PXDN: variants seen among roughly 807,000 people sequenced by gnomAD.
PXDN encodes the protein peroxidasin homolog.
In PXDN, 77 loss-of-function variants were observed where a neutral mutation model predicts 140.3. The observed-to-expected ratio is 0.55, with a 90% CI of 0.46 to 0.66. The LOEUF is 0.66. Among genes scored for constraint, PXDN ranks in the 30% least tolerant of loss-of-function variants. The pLI is 0.00. For missense variants in PXDN, 1,838 were observed against 2,039.5 expected, an observed-to-expected ratio of 0.90 and a Z score of 1.90; for synonymous variants, 911 against 857.4, an observed-to-expected ratio of 1.06 and a Z score of -1.09.
At chr2:1,676,821 G>A in intron 8 of PXDN, 106 bp downstream of exon 8, 1 of 1,029,644 alleles carries the variant, frequency 9.7e-7, no homozygotes, top group African/African-American at 1.6e-5. Context: ...CCTACGTGGA[G>A]GAGGAAAAGT....
intron 17 of PXDN, among the ~76,000 whole-genome samples, chr2:1,646,924 G>C (rs1223075298): frequency 6.6e-6 from 1 of 152,078 alleles, no homozygotes; most frequent in Admixed American, 6.6e-5. Context: ...GATTGAGATG[G>C]GGTCTCTGTC....
intron 1 of PXDN, among the ~76,000 whole-genome samples, chr2:1,710,996 A>ACT (rs200804060): frequency 9.4e-5 from 2 of 21,370 alleles, no homozygotes; most frequent in African/African-American, 4.5e-4. Flanking sequence ...ACCAGCACCC[A>ACT]CTCCACCAGC....
chr2:1,720,371 G>A (rs1340276251), intron 1 of PXDN, among the ~76,000 whole-genome samples: 1 of 130,858 alleles, frequency 7.6e-6, no homozygotes. Context: ...TGCAGAGAGA[G>A]AGGGAGGGGA....
rs984912208 is a variant in PXDN at position 1,714,046 on chromosome 2, A to C, written c.201-20912T>G. On this transcript the variant is annotated intron_variant, in intron 1 of 22. Coordinates refer to ENST00000252804, the MANE Select transcript of PXDN (RefSeq NM_012293.3). This position sits in a 1 kb window ranked among gnomAD's most constrained non-coding sequence, Gnocchi z 4.3. Reference sequence around the variant, plus strand: ...GGCCCAGCCTGGGCAACCTACGATAATATTGGCACTGGCGGCTTTGGAAAT... The same window carrying C: ...GGCCCAGCCTGGGCAACCTACGATACTATTGGCACTGGCGGCTTTGGAAAT... Among the ~76,000 whole-genome samples the C allele has an allele frequency of 6.6e-6, 1 of 152,160 alleles. No individual in the cohort carries two copies. Among genetic ancestry groups the C allele is most frequent in the Admixed American group, 6.5e-5 (1 of 15,278 alleles).
chr2:1,721,945 C>T (rs780772128), intron 1 of PXDN, among the ~76,000 whole-genome samples: 3 of 151,636 alleles, frequency 2.0e-5, no homozygotes, highest in Non-Finnish European at 2.9e-5. Context: ...CAAAGGGGAT[C>T]TAACCTAGGG....
chr2:1,638,102 C>T (rs772511137), intron 21 of PXDN, among the ~76,000 whole-genome samples: 3 of 152,132 alleles, frequency 2.0e-5, no homozygotes, highest in Non-Finnish European at 4.4e-5. Flanking sequence ...AACCTAAGGG[C>T]TAAGAGTCCT....
intron 21 of PXDN, chr2:1,636,605 A>G (rs1257792940): frequency 6.6e-6 from 1 of 151,706 alleles, no homozygotes; most frequent in African/African-American, 2.4e-5. Flanking sequence ...CGGCTTCTAA[A>G]TGAAAGCCAT....
intron 1 of PXDN, among the ~76,000 whole-genome samples, chr2:1,741,445 T>A (rs1685542801): frequency 6.6e-6 from 1 of 152,104 alleles, no homozygotes; most frequent in African/African-American, 2.4e-5. Flanking sequence ...GCTCCTGCCA[T>A]TCCAGAGCTC....
Position 1,651,799 on chromosome 2 carries a change from C to T in PXDN, c.2104+1829G>A, listed in dbSNP as rs1040761449. ...GCCTGCTGTTTCTCTCTGGGTCACT[C>T]GCTGGGGCTTCTTATGTGCAGGGGC... On this transcript the variant is annotated intron_variant, in intron 16 of 22. Coordinates refer to ENST00000252804, the MANE Select transcript of PXDN (RefSeq NM_012293.3). The surrounding 1 kb of genome is among the most constrained non-coding windows in gnomAD (Gnocchi z 4.4). 2.6e-5 allele frequency among the ~76,000 whole-genome samples: 4 copies of T among 152,214 alleles called. No individual in the cohort carries two copies. Among genetic ancestry groups the T allele is most frequent in the Non-Finnish European group, 5.9e-5 (4 of 68,038 alleles).
At chr2:1,686,058 T>A (rs1684048735) in intron 4 of PXDN, among the ~76,000 whole-genome samples, 1 of 152,120 alleles carries the variant, frequency 6.6e-6, no homozygotes, top group Non-Finnish European at 1.5e-5. Context: ...CAGGAATGCA[T>A]GTTTTCAATA....
rs6730800 is a variant in PXDN, at chr2:1,643,399, T to C, written c.3921A>G (p.Val1307=). 0.9 allele frequency: 1,445,136 copies of C among 1,613,732 alleles called. 648,234 individuals are homozygous for C. The highest frequency in any genetic ancestry group is 1 in the East Asian group (44,852 of 44,864). The part of the protein sequence containing the change: ...GYGSCDEIPR[V]DLRVWQDCCE... ...AGCAGTCCTGCCACACCCGGAGGTC[T>C]ACCCTGGGGATCTCGTCACAGCTGC... Residue 1307 remains valine, a synonymous_variant, in exon 19 of 23, where the codon GTA becomes GTG. Transcript: ENST00000252804.
chr2:1,705,713 A>G (rs1684585743), intron 1 of PXDN, among the ~76,000 whole-genome samples: 1 of 144,348 alleles, frequency 6.9e-6, no homozygotes, highest in African/African-American at 2.6e-5. Context: ...TGCAGGGTGC[A>G]GGGTGCAGCT....
chr2:1,701,578 G>A (rs922380623), intron 1 of PXDN, among the ~76,000 whole-genome samples: 2 of 152,224 alleles, frequency 1.3e-5, no homozygotes, highest in East Asian at 1.9e-4. Flanking sequence ...AAGGGGAGCC[G>A]CAGAGAAGCG....
chr2:1,654,008 T>G, intron 15 of PXDN: 1 of 550,108 alleles, frequency 1.8e-6, no homozygotes. Flanking sequence ...ATTAAGTCAA[T>G]AGAGAAAATC....
chr2:1,676,085 G>A (rs1207784066), intron 8 of PXDN, among the ~76,000 whole-genome samples: 2 of 152,110 alleles, frequency 1.3e-5, no homozygotes, highest in African/African-American at 4.8e-5. Context: ...TTGGCCCCAG[G>A]TGCCTTCCGG....
chr2:1,670,818 C>T (rs563689996), intron 9 of PXDN, among the ~76,000 whole-genome samples: 6 of 152,300 alleles, frequency 3.9e-5, no homozygotes, highest in Non-Finnish European at 8.8e-5. Context: ...GCTGTGCCCT[C>T]GGCATGAGAA....
chr2:1,719,133 C>T (rs567019605), intron 1 of PXDN, among the ~76,000 whole-genome samples: 4 of 152,224 alleles, frequency 2.6e-5, no homozygotes, highest in South Asian at 2.1e-4. Flanking sequence ...TGGGGCCCTG[C>T]GGCCATGCCT....
chr2:1,657,045 C>T (rs1032078100), intron 14 of PXDN, among the ~76,000 whole-genome samples: 4 of 151,042 alleles, frequency 2.6e-5, no homozygotes, highest in African/African-American at 9.7e-5. Context: ...CAGGGACTGA[C>T]CTTGCCCCTC....
chr2:1,677,657 G>C (rs551579259), intron 7 of PXDN, among the ~76,000 whole-genome samples: 2 of 151,710 alleles, frequency 1.3e-5, no homozygotes, highest in South Asian at 4.1e-4. Context: ...CCTTCCTCGA[G>C]GGCTGACGGC....
Sources: gnomAD v4.1 joint callset for allele counts (sites outside exome capture counted in the v4.1 genomes callset) on GRCh38, gnomAD v4.1.1 for gene constraint, Gnocchi (gnomAD v3.1) non-coding constraint, MANE v1.5 for transcripts, NCBI Gene and HGNC (gene_info 2026-07-23, HGNC 2026-07-21) for gene names.